The following NKAIN2 variants were observed in gnomAD, a reference collection of about 807,000 sequenced individuals.
The protein encoded by NKAIN2 is sodium/potassium-transporting ATPase subunit beta-1-interacting protein 2.
A neutral mutation model predicts 32.6 loss-of-function variants in NKAIN2; 14 were observed. That is an observed-to-expected ratio of 0.43 (90% CI 0.28 to 0.67). NKAIN2 has a LOEUF of 0.67. Ranked by LOEUF, NKAIN2 falls within the 30% of genes least tolerant of loss-of-function variation. The pLI is 0.17. For synonymous variants in NKAIN2, 80 were observed against 87.2 expected (o/e 0.92, Z 0.46); for missense variants, 198 against 258.3 (o/e 0.77, Z 1.60).
intron 4 of NKAIN2, among the ~76,000 whole-genome samples, chr6:124,726,122 G>C (rs1776288893): frequency 6.6e-6 from 1 of 152,192 alleles, no homozygotes; most frequent in Admixed American, 6.5e-5. Context: ...GCGGCAGCGA[G>C]CCTGGGGGAG....
chr6:124,232,370 G>T (rs1194142055), intron 1 of NKAIN2, among the ~76,000 whole-genome samples: 1 of 152,126 alleles, frequency 6.6e-6, no homozygotes, highest in Non-Finnish European at 1.5e-5. Flanking sequence ...GAAATTAAAG[G>T]AAACAGAGAG....
At chr6:124,261,342 T>C (rs1227003327) in intron 1 of NKAIN2, among the ~76,000 whole-genome samples, 2 of 152,220 alleles carry the variant, frequency 1.3e-5, no homozygotes, top group Non-Finnish European at 2.9e-5. Context: ...CTGATCACTT[T>C]GCCAAATCTC....
At position 124,600,850 on chromosome 6, in the gene NKAIN2, C is replaced by T. The variant is rs1408421146; in HGVS notation, c.274-57336C>T. On this transcript the variant is annotated intron_variant, in intron 3 of 6. Coordinates refer to ENST00000368417, the MANE Select transcript of NKAIN2 (RefSeq NM_001040214.3). ...GACCAGAAAAACTTTTAATGCATAA[C>T]AGCACTCTGCACTTAATAGGCCTTC... Among the ~76,000 whole-genome samples, 10 of 152,072 alleles carry T rather than the reference C, an allele frequency of 6.6e-5. No individual in the cohort carries two copies. In the East Asian group the frequency reaches 1.7e-3, roughly 26 times the overall value.
chr6:124,674,597 A>C (rs564368655), intron 4 of NKAIN2, among the ~76,000 whole-genome samples: 1 of 152,018 alleles, frequency 6.6e-6, no homozygotes, highest in African/African-American at 2.4e-5. Flanking sequence ...TTTATTCTTA[A>C]GTATTTTATT....
At chr6:124,002,205 GT>G (rs1779906025) in intron 1 of NKAIN2, among the ~76,000 whole-genome samples, 1 of 152,106 alleles carries the variant, frequency 6.6e-6, no homozygotes, top group South Asian at 2.1e-4. Context: ...CACTCTCTGA[GT>G]TGGATGCTCC....
chr6:124,560,079 G>A (rs1023076490), intron 3 of NKAIN2, among the ~76,000 whole-genome samples: 9 of 151,978 alleles, frequency 5.9e-5, no homozygotes, highest in Middle Eastern at 3.4e-3. Flanking sequence ...ATTATTTATC[G>A]ACAAGGAAAT....
intron 3 of NKAIN2, among the ~76,000 whole-genome samples, chr6:124,575,173 A>T (rs1781283108): frequency 6.6e-6 from 1 of 152,112 alleles, no homozygotes; most frequent in Non-Finnish European, 1.5e-5. Flanking sequence ...TTTAGGGGAG[A>T]TGGTGGCCCT....
chr6:124,123,288 G>A (rs2114992419), intron 1 of NKAIN2, among the ~76,000 whole-genome samples: 1 of 152,092 alleles, frequency 6.6e-6, no homozygotes, highest in African/African-American at 2.4e-5. Context: ...CCTGAAAGGA[G>A]GATGGAAATC....
intron 1 of NKAIN2, among the ~76,000 whole-genome samples, chr6:124,240,680 C>CA (rs1482062094): frequency 6.6e-6 from 1 of 151,770 alleles, no homozygotes; most frequent in East Asian, 1.9e-4. Context: ...AAAAGGCCTT[C>CA]AAAAAAATTA....
At chr6:123,984,806 C>T (rs1340887953) in intron 1 of NKAIN2, among the ~76,000 whole-genome samples, 1 of 152,044 alleles carries the variant, frequency 6.6e-6, no homozygotes, top group Non-Finnish European at 1.5e-5. Flanking sequence ...TCAAATGATA[C>T]ATAGCAGTTG....
intron 3 of NKAIN2, among the ~76,000 whole-genome samples, chr6:124,539,329 A>C (rs1478762074): frequency 6.6e-6 from 1 of 152,186 alleles, no homozygotes; most frequent in Non-Finnish European, 1.5e-5. Flanking sequence ...CTCAGGTTGC[A>C]TAATATCTCT....
At chr6:124,359,044 T>G (rs530898012) in intron 3 of NKAIN2, among the ~76,000 whole-genome samples, 58 of 152,024 alleles carry the variant, frequency 3.8e-4, no homozygotes, top group Middle Eastern at 6.8e-3. Context: ...TTTCCCCATT[T>G]CTTGTTTTTC....
At chr6:123,825,122 A>C (rs901303134) in intron 1 of NKAIN2, among the ~76,000 whole-genome samples, 2 of 152,098 alleles carry the variant, frequency 1.3e-5, no homozygotes, top group African/African-American at 4.8e-5. Context: ...AGAGGCCAAC[A>C]AGCTCCCCTG....
intron 2 of NKAIN2, among the ~76,000 whole-genome samples, chr6:124,326,061 T>A (rs924790057): frequency 2.0e-5 from 3 of 151,854 alleles, no homozygotes; most frequent in Admixed American, 1.3e-4. Context: ...TTTTTTCAAA[T>A]TTTTTTACTT....
chr6:124,349,447 T>C (rs560430038), intron 2 of NKAIN2, among the ~76,000 whole-genome samples: 1 of 152,326 alleles, frequency 6.6e-6, no homozygotes, highest in South Asian at 2.1e-4. Context: ...GAGCTGATAC[T>C]AGTTTTGCAT....
At chr6:124,153,698 T>G (rs910175632) in intron 1 of NKAIN2, among the ~76,000 whole-genome samples, 1 of 151,814 alleles carries the variant, frequency 6.6e-6, no homozygotes, top group Non-Finnish European at 1.5e-5. Flanking sequence ...GTATTTTTGT[T>G]TATTGACCTT....
intron 4 of NKAIN2, among the ~76,000 whole-genome samples, chr6:124,724,310 C>A (rs573673363): frequency 6.6e-6 from 1 of 152,000 alleles, no homozygotes; most frequent in South Asian, 2.1e-4. Context: ...CATGGCTTAA[C>A]CATGGTAGGT....
intron 2 of NKAIN2, among the ~76,000 whole-genome samples, chr6:124,312,801 G>A (rs1239313189): frequency 6.6e-6 from 1 of 152,198 alleles, no homozygotes; most frequent in Non-Finnish European, 1.5e-5. Flanking sequence ...GGCCTGTGCA[G>A]ATTCTTTTTG....
intron 3 of NKAIN2, among the ~76,000 whole-genome samples, chr6:124,625,663 A>AGTT (rs1323265369): frequency 6.6e-6 from 1 of 151,868 alleles, no homozygotes; most frequent in Non-Finnish European, 1.5e-5. Flanking sequence ...GGAGGAGAGA[A>AGTT]GTTATTTTCA....
Sources: gnomAD v4.1 joint callset for allele counts (sites outside exome capture counted in the v4.1 genomes callset) on GRCh38, gnomAD v4.1.1 for gene constraint, MANE v1.5 for transcripts, NCBI Gene and HGNC (gene_info 2026-07-23, HGNC 2026-07-21) for gene names.